Variants in ZNF420 observed in about 807,000 individuals in gnomAD.
ZNF420 encodes the protein ATM and p53-associated KZNF protein.
In ZNF420, 31 loss-of-function variants were observed where a neutral mutation model predicts 44.7. The observed-to-expected ratio is 0.69, with a 90% CI of 0.52 to 0.94. The LOEUF is 0.94. Ranked by LOEUF, ZNF420 falls within the 40% of genes least tolerant of loss-of-function variation. The probability of loss-of-function intolerance (pLI) is 0.00; values close to 1 mark genes in which losing one functional copy is unlikely to be tolerated. For missense variants in ZNF420, 681 were observed against 827.9 expected (o/e 0.82, Z 2.18); for synonymous variants, 245 against 267.4 (o/e 0.92, Z 0.82).
At chr19:37,053,392 C>T (rs370757382) in intron 1 of ZNF420, among the ~76,000 whole-genome samples, 6 of 152,178 alleles carry the variant, frequency 3.9e-5, no homozygotes, top group Admixed American at 1.3e-4. Context: ...AGCTTTGTTC[C>T]GTTGCTGGTG....
intron 2 of ZNF420, among the ~76,000 whole-genome samples, chr19:37,087,690 G>A (rs1968897744): frequency 6.6e-6 from 1 of 152,176 alleles, no homozygotes; most frequent in Admixed American, 6.5e-5. Flanking sequence ...CTGTCGCCCA[G>A]GCTGGAGTGC....
chr19:37,089,004 C>A, intron 2 of ZNF420, 35 bp from the exon 3 acceptor site: 2 of 905,682 alleles, frequency 2.2e-6, no homozygotes, highest in Non-Finnish European at 3.7e-6. Context: ...CTTTGCAAAA[C>A]ACCTGGTCTC....
chr19:37,073,522 T>C (rs1968093185), upstream of ZNF420, among the ~76,000 whole-genome samples: 1 of 152,016 alleles, frequency 6.6e-6, no homozygotes, highest in Non-Finnish European at 1.5e-5. Flanking sequence ...GTGGATCACT[T>C]GAGATCAGGA....
At chr19:37,041,610 G>A (rs1233308859) in intron 1 of ZNF420, among the ~76,000 whole-genome samples, 1 of 152,106 alleles carries the variant, frequency 6.6e-6, no homozygotes, top group Non-Finnish European at 1.5e-5. Flanking sequence ...TTTGCCAGGG[G>A]AAGCGATTTT....
At chr19:37,046,910 A>G (rs1159523667) in intron 1 of ZNF420, among the ~76,000 whole-genome samples, 1 of 152,180 alleles carries the variant, frequency 6.6e-6, no homozygotes, top group Non-Finnish European at 1.5e-5. Context: ...ATAGGCAAGG[A>G]TGAAATAGGA....
chr19:37,116,161 C>T (rs528293297), intron 4 of ZNF420, among the ~76,000 whole-genome samples: 20 of 151,872 alleles, frequency 1.3e-4, no homozygotes, highest in Non-Finnish European at 2.2e-4. Context: ...TTCTTTTCCC[C>T]ACAAAGACCA....
intron 4 of ZNF420, chr19:37,091,348 A>AG: frequency 3.2e-6 from 1 of 310,834 alleles, no homozygotes; most frequent in Non-Finnish European, 5.8e-6. Flanking sequence ...TGATGAACAA[A>AG]GGGCTAGATT....
At chr19:37,076,505 C>T (rs1293858295), upstream of ZNF420, among the ~76,000 whole-genome samples, 1 of 152,086 alleles carries the variant, frequency 6.6e-6, no homozygotes, top group African/African-American at 2.4e-5. Flanking sequence ...GATATATCTC[C>T]TAATGCTACC....
intron 1 of ZNF420, among the ~76,000 whole-genome samples, chr19:37,021,960 A>AG (rs2074653265): frequency 2.1e-5 from 3 of 141,034 alleles, no homozygotes; most frequent in Non-Finnish European, 3.1e-5. Context: ...AAAAAAAAAA[A>AG]AAAGAAAAGA....
intron 1 of ZNF420, among the ~76,000 whole-genome samples, chr19:37,023,147 G>GA (rs112331823): frequency 0.33 from 48,888 of 147,538 alleles, 8,114 homozygotes; most frequent in Non-Finnish European, 0.36. Flanking sequence ...CAAAGAAAAA[G>GA]AAAAAAAAAA....
At chr19:37,020,657 G>T (rs1299364864) in intron 1 of ZNF420, among the ~76,000 whole-genome samples, 1 of 152,150 alleles carries the variant, frequency 6.6e-6, no homozygotes, top group African/African-American at 2.4e-5. Flanking sequence ...GTGTCCCTTA[G>T]TCAATAGATA....
chr19:37,011,051 G>A lies in ZNF420; in HGVS notation c.-125+2969G>A, dbSNP rs981941754. 3.9e-5 allele frequency among the ~76,000 whole-genome samples: 6 copies of A among 152,186 alleles called. 1 individual carries two copies. The highest frequency in any genetic ancestry group is 4.1e-4 in the South Asian group (2 of 4,828). ...GGCACTCCTCCCCTCAGCCTGTGGC[G>A]GTGGCACTGTGCTGTATCCTGCCTG... On this transcript the variant is annotated intron_variant, in intron 1 of 4. Coordinates refer to the ZNF420 transcript ENST00000587029.
At chr19:37,022,952 A>G (rs983468658) in intron 1 of ZNF420, among the ~76,000 whole-genome samples, 1 of 152,184 alleles carries the variant, frequency 6.6e-6, no homozygotes, top group Non-Finnish European at 1.5e-5. Flanking sequence ...CCTGACCAAC[A>G]TGGCGAAACC....
chr19:37,013,628 G>A (rs958572695), intron 1 of ZNF420, among the ~76,000 whole-genome samples: 1 of 152,194 alleles, frequency 6.6e-6, no homozygotes, highest in Admixed American at 6.5e-5. Flanking sequence ...CACCCATTGA[G>A]CAGGAATGGG....
chr19:37,016,981 G>A (rs998633835), intron 1 of ZNF420, among the ~76,000 whole-genome samples: 1 of 152,208 alleles, frequency 6.6e-6, no homozygotes, highest in African/African-American at 2.4e-5. Context: ...GGCTCCCAGA[G>A]AGAGACTTTT....
rs1329943456 is a variant in ZNF420, at chr19:37,090,004, CTTATT to C, written c.9+882_9+886del. Reference sequence around the variant, plus strand: ...ATAAATTCTTTAATTTTATACAAATCTTATTTTATAAGGTTTTACAGAAAAATTTT... The same window carrying C: ...ATAAATTCTTTAATTTTATACAAATCTTATAAGGTTTTACAGAAAAATTTT... On this transcript the variant is annotated intron_variant, in intron 3 of 4. Coordinates refer to ENST00000337995, the MANE Select transcript of ZNF420 (RefSeq NM_144689.5). Among the ~76,000 whole-genome samples, 8 of 152,170 alleles carry C rather than the reference CTTATT, an allele frequency of 5.3e-5. No homozygotes were observed. In the South Asian group the frequency reaches 1.0e-3, roughly 20 times the overall value.
At chr19:37,077,064 A>AG (rs1968175732), upstream of ZNF420, among the ~76,000 whole-genome samples, 1 of 152,162 alleles carries the variant, frequency 6.6e-6, no homozygotes, top group Non-Finnish European at 1.5e-5. Flanking sequence ...TTCCCTCTGA[A>AG]GGAGTGGTGA....
chr19:37,081,161 G>C (rs1205404551), intron 2 of ZNF420, among the ~76,000 whole-genome samples: 2 of 151,846 alleles, frequency 1.3e-5, no homozygotes, highest in Non-Finnish European at 2.9e-5. Context: ...TGACTTATAG[G>C]TTATTTTGAT....
At chr19:37,097,129 C>G (rs1249033561) in intron 4 of ZNF420, among the ~76,000 whole-genome samples, 3 of 152,010 alleles carry the variant, frequency 2.0e-5, no homozygotes, top group African/African-American at 7.2e-5. Flanking sequence ...GAATTCTTGA[C>G]CTTGTGATCT....
Sources: gnomAD v4.1 joint callset for allele counts (sites outside exome capture counted in the v4.1 genomes callset) on GRCh38, gnomAD v4.1.1 for gene constraint, MANE v1.5 for transcripts, NCBI Gene and HGNC (gene_info 2026-07-23, HGNC 2026-07-21) for gene names.